The following FOXO1 variants were observed in gnomAD, a reference collection of about 807,000 sequenced individuals.
The protein encoded by FOXO1 is forkhead box O1.
FOXO1 carries 6 observed loss-of-function variants against 44.1 expected under a neutral mutation model. The ratio of observed to expected loss-of-function variants is 0.14; its 90% CI spans 0.07 to 0.27. FOXO1 has a LOEUF of 0.27. Among genes scored for constraint, FOXO1 ranks in the 10% least tolerant of loss-of-function variants. The pLI, the probability that FOXO1 is intolerant of heterozygous loss-of-function variation, is 1.00. For synonymous variants in FOXO1, 380 were observed against 362.7 expected (o/e 1.05, Z -0.54); for missense variants, 737 against 888.8 (o/e 0.83, Z 2.17).
At chr13:40,626,645 C>G (rs1876794530) in intron 1 of FOXO1, among the ~76,000 whole-genome samples, 1 of 152,184 alleles carries the variant, frequency 6.6e-6, no homozygotes, top group Non-Finnish European at 1.5e-5. Context: ...CCAATACCTC[C>G]CCTTTCAAAA....
At chr13:40,578,902 G>C (rs535476834) in intron 1 of FOXO1, among the ~76,000 whole-genome samples, 1 of 152,138 alleles carries the variant, frequency 6.6e-6, no homozygotes, top group Non-Finnish European at 1.5e-5. Flanking sequence ...TTCTTTGCCC[G>C]CGCTTCTTGA....
At chr13:40,640,413 A>T (rs1054535978) in intron 1 of FOXO1, among the ~76,000 whole-genome samples, 4 of 152,220 alleles carry the variant, frequency 2.6e-5, no homozygotes, top group Non-Finnish European at 5.9e-5. Context: ...GTATCGTCCA[A>T]AGCAAAACCA....
rs1200027367 is a variant in FOXO1 at position 40,560,180 on chromosome 13, C to T, written c.1311G>A (p.Met437Ile). The change falls in exon 2 of 3, where the codon ATG becomes ATA. Residue 437 changes from methionine (M) to isoleucine (I), a missense_variant. Met to Ile is a conservative substitution (Grantham distance 10). Transcript: ENST00000379561. The surrounding 1 kb of genome is among the most constrained non-coding windows in gnomAD (Gnocchi z 5.1). ...TATTGTCCTGAAGTGTTTGTATAGG[C>T]ATCTGGGGCAAAGGGCTCATGCTGG... The part of the protein sequence containing the change: ...GQSSMSPLPQ[M>I]PIQTLQDNKS... 1.2e-6 allele frequency: 2 copies of T among 1,614,004 alleles called. No homozygotes were observed. The highest frequency in any genetic ancestry group is 1.7e-6 in the Non-Finnish European group (2 of 1,180,022).
At position 40,560,805 on chromosome 13, in the gene FOXO1, T is replaced by C. The variant is rs1170613742; in HGVS notation, c.686A>G (p.Glu229Gly). The change falls in exon 2 of 3, where the codon GAA (glutamate) becomes GGA (glycine). Residue 229 changes from glutamate (E) to glycine (G), a missense_variant. Coordinates refer to ENST00000379561, the MANE Select transcript of FOXO1 (RefSeq NM_002015.4). The surrounding 1 kb of genome is among the most constrained non-coding windows in gnomAD (Gnocchi z 5.1). ...LHSKFIRVQN[E>G]GTGKSSWWML... The stretch of plus-strand genomic sequence containing the variant: ...CCACCAAGAACTTTTTCCAGTTCCT[T>C]CATTCTGCACACGAATGAACTTGCT... 1.9e-6 allele frequency: 3 copies of C among 1,613,990 alleles called. No individual in the cohort carries two copies. Among genetic ancestry groups the C allele is most frequent in the Admixed American group, 1.7e-5 (1 of 59,998 alleles).
At chr13:40,595,062 C>CGA (rs1875524793) in intron 1 of FOXO1, among the ~76,000 whole-genome samples, 1 of 152,118 alleles carries the variant, frequency 6.6e-6, no homozygotes, top group Admixed American at 6.6e-5. Flanking sequence ...TCTATCCCTC[C>CGA]TTTTCCCTCA....
intron 1 of FOXO1, among the ~76,000 whole-genome samples, chr13:40,568,865 C>T (rs1354804567): frequency 2.7e-5 from 4 of 150,612 alleles, no homozygotes; most frequent in African/African-American, 7.3e-5. Flanking sequence ...TCTGGTCTAA[C>T]GCTCTTGTTT....
intron 1 of FOXO1, among the ~76,000 whole-genome samples, chr13:40,588,669 C>T (rs1875261684): frequency 6.6e-6 from 1 of 152,190 alleles, no homozygotes; most frequent in Non-Finnish European, 1.5e-5. Flanking sequence ...CCGGCAGAGG[C>T]CCCAGCCTAA....
intron 1 of FOXO1, chr13:40,619,745 G>GATTAAAAAATGGA: frequency 1.1e-6 from 1 of 916,370 alleles, no homozygotes; most frequent in Non-Finnish European, 1.8e-6. Context: ...ACAGTAGGAA[G>GATTAAAAAATGGA]ATTAAAAAAT....
At chr13:40,607,589 C>A (rs1429057286) in intron 1 of FOXO1, among the ~76,000 whole-genome samples, 1 of 152,112 alleles carries the variant, frequency 6.6e-6, no homozygotes, top group Non-Finnish European at 1.5e-5. Context: ...GATTCTATAA[C>A]CCCAAACACA....
chr13:40,602,791 T>C (rs1295444032), intron 1 of FOXO1, among the ~76,000 whole-genome samples: 2 of 152,182 alleles, frequency 1.3e-5, no homozygotes, highest in African/African-American at 2.4e-5. Context: ...GATTTAGGTA[T>C]AGGTTAGCAG....
chr13:40,578,199 C>A (rs1593385846), intron 1 of FOXO1, among the ~76,000 whole-genome samples: 2 of 152,122 alleles, frequency 1.3e-5, no homozygotes, highest in African/African-American at 4.8e-5. Flanking sequence ...AAACTTCAGG[C>A]CAAGATGCAG....
chr13:40,652,971 C>CT (rs111777637), intron 1 of FOXO1, among the ~76,000 whole-genome samples: 137 of 147,880 alleles, frequency 9.3e-4, no homozygotes, highest in Non-Finnish European at 1.5e-3. Context: ...GTGCATTTCT[C>CT]TTTTTTTTTT....
At chr13:40,605,576 C>T (rs1355427994) in intron 1 of FOXO1, among the ~76,000 whole-genome samples, 1 of 152,176 alleles carries the variant, frequency 6.6e-6, no homozygotes, top group Non-Finnish European at 1.5e-5. Context: ...GCTCCTCCCC[C>T]TGAATCTCCT....
intron 1 of FOXO1, among the ~76,000 whole-genome samples, chr13:40,594,543 A>G (rs985345054): frequency 6.6e-6 from 1 of 152,156 alleles, no homozygotes; most frequent in Non-Finnish European, 1.5e-5. Context: ...CAAACGTTCA[A>G]CCTGCCACAG....
intron 1 of FOXO1, among the ~76,000 whole-genome samples, chr13:40,598,125 C>T (rs893008576): frequency 2.6e-5 from 4 of 152,036 alleles, no homozygotes; most frequent in Non-Finnish European, 5.9e-5. Flanking sequence ...ATAGGCAAAA[C>T]GGAACAAGCG....
intron 1 of FOXO1, among the ~76,000 whole-genome samples, chr13:40,635,139 T>C (rs1438488725): frequency 2.0e-5 from 3 of 152,226 alleles, no homozygotes; most frequent in Non-Finnish European, 2.9e-5. Flanking sequence ...TTGTTCTTTA[T>C]TGCCTGAAAC....
intron 1 of FOXO1, among the ~76,000 whole-genome samples, chr13:40,645,469 G>A (rs865833984): frequency 1.3e-5 from 2 of 152,156 alleles, no homozygotes; most frequent in African/African-American, 4.8e-5. Context: ...CGCCCAGGGT[G>A]AAGTGTATCA....
chr13:40,618,274 C>T (rs756796349), intron 1 of FOXO1, among the ~76,000 whole-genome samples: 4 of 151,980 alleles, frequency 2.6e-5, no homozygotes, highest in Non-Finnish European at 4.4e-5. Flanking sequence ...CACCATGTTG[C>T]CCAGGATGGT....
chr13:40,640,079 C>T (rs572670840), intron 1 of FOXO1, among the ~76,000 whole-genome samples: 2 of 152,290 alleles, frequency 1.3e-5, no homozygotes, highest in East Asian at 3.9e-4. Flanking sequence ...CCCCACAGGG[C>T]CATAGATTCC....
Sources: allele counts gnomAD v4.1 joint callset (sites outside exome capture counted in the v4.1 genomes callset), GRCh38; gene constraint gnomAD v4.1.1; non-coding constraint Gnocchi (gnomAD v3.1); transcripts MANE v1.5; gene names NCBI Gene and HGNC (gene_info 2026-07-23, HGNC 2026-07-21).